The following HOTAIR variants were observed in gnomAD, a reference collection of about 807,000 sequenced individuals.
HOTAIR encodes the protein HOX transcript antisense RNA, also known as HOX transcript antisense RNA (non-protein coding).
intron 5 of HOTAIR, among the ~76,000 whole-genome samples, chr12:53,965,525 A>G (rs1316448025): frequency 6.6e-6 from 1 of 152,254 alleles, no homozygotes; most frequent in Non-Finnish European, 1.5e-5. Context: ...AGGCCAGTTC[A>G]GGGTAGGGAT....
At chr12:53,965,709 G>A (rs1939039468) in intron 5 of HOTAIR, among the ~76,000 whole-genome samples, 2 of 151,838 alleles carry the variant, frequency 1.3e-5, no homozygotes, top group Admixed American at 1.3e-4. Flanking sequence ...ATGAGTGAAA[G>A]AAAGGGGGCA....
At chr12:53,967,210 C>A (rs1899663) in intron 3 of HOTAIR, 42,380 of 152,012 alleles carry the variant, frequency 0.28, 6,235 homozygotes, top group Middle Eastern at 0.34. Flanking sequence ...TTGTTGTCAC[C>A]TCCACCCTCC....
intron 5 of HOTAIR, among the ~76,000 whole-genome samples, chr12:53,965,132 T>C (rs1030484967): frequency 6.6e-6 from 1 of 152,256 alleles, no homozygotes; most frequent in Non-Finnish European, 1.5e-5. Context: ...CTTTAATCTC[T>C]ATAAATCCCT....
exon 7 of HOTAIR, chr12:53,962,790 T>C (rs1448240105): frequency 1.3e-5 from 2 of 152,194 alleles, no homozygotes; most frequent in East Asian, 1.9e-4. Context: ...TTAAGTGTTC[T>C]CCTATGTCTA....
At chr12:53,966,894 T>C (rs1051027652) in intron 3 of HOTAIR, among the ~76,000 whole-genome samples, 7 of 152,186 alleles carry the variant, frequency 4.6e-5, no homozygotes, top group Non-Finnish European at 7.4e-5. Flanking sequence ...GTGGGCAGGC[T>C]CAGCTCGAAG....
At chr12:53,966,828 GC>G (rs11301759) in intron 3 of HOTAIR, among the ~76,000 whole-genome samples, 142,464 of 152,256 alleles carry the variant, frequency 0.94, 67,109 homozygotes, top group Non-Finnish European at 0.99. Context: ...GCCGCAGCCG[GC>G]CCGGCGAGAC....
chr12:53,971,615 TCCCC>T, intron 1 of HOTAIR, among the ~76,000 whole-genome samples: 2 of 152,260 alleles, frequency 1.3e-5, no homozygotes, highest in African/African-American at 4.8e-5. Context: ...TTTTTTGTTT[TCCCC>T]TGAGTGTGCA....
At chr12:53,965,287 C>T (rs1939030575) in intron 5 of HOTAIR, among the ~76,000 whole-genome samples, 1 of 152,230 alleles carries the variant, frequency 6.6e-6, no homozygotes, top group South Asian at 2.1e-4. Context: ...TCTGCTTTCC[C>T]CATGCCCCCC....
Position 53,973,846 on chromosome 12 carries a change from A to G in HOTAIR, n.59+1052T>C, listed in dbSNP as rs1939197423. 1 of 1,453,430 alleles carries G rather than the reference A, an allele frequency of 6.9e-7. No homozygotes were observed. Among genetic ancestry groups the G allele is most frequent in the African/African-American group, 1.4e-5 (1 of 69,006 alleles). The allele number at this position is 1,453,430 out of a possible 1,614,324, so 90.0% of individuals were successfully genotyped here. On this transcript the variant is annotated intron_variant and non_coding_transcript_variant, in intron 1 of 6. Coordinates refer to ENST00000424518, the Ensembl canonical transcript of HOTAIR. The surrounding 1 kb of genome is among the most constrained non-coding windows in gnomAD (Gnocchi z 4.3). ...GAGGCGGGTGCCGAGGCGGAGGCTG[A>G]GGAGGAGAACACAAATCCCAGCTCG...
At chr12:53,971,353 G>A (rs1198264313) in intron 1 of HOTAIR, among the ~76,000 whole-genome samples, 1 of 152,148 alleles carries the variant, frequency 6.6e-6, no homozygotes, top group East Asian at 1.9e-4. Flanking sequence ...CCTGAGAATG[G>A]GACCCATGGT....
chr12:53,971,013 C>T (rs1023396898), intron 1 of HOTAIR, among the ~76,000 whole-genome samples: 5 of 152,172 alleles, frequency 3.3e-5, no homozygotes, highest in African/African-American at 1.2e-4. Flanking sequence ...TGGTTCCTAT[C>T]ACTGTTTGGG....
At chr12:53,974,077 A>G (rs1939203234) in intron 1 of HOTAIR, 1 of 447,064 alleles carries the variant, frequency 2.2e-6, no homozygotes, top group Non-Finnish European at 3.7e-6. Flanking sequence ...AAAGGATTTT[A>G]TTATAACCTA....
rs749585496 is a variant in HOTAIR, at chr12:53,973,661, A to T, written n.59+1237T>A. 2 of 1,613,264 alleles carry T rather than the reference A, an allele frequency of 1.2e-6. No homozygotes were observed. The highest frequency in any genetic ancestry group is 3.3e-5 in the Admixed American group (2 of 59,970). On this transcript the variant is annotated intron_variant and non_coding_transcript_variant, in intron 1 of 6. Coordinates refer to ENST00000424518, the Ensembl canonical transcript of HOTAIR. The surrounding 1 kb of genome is among the most constrained non-coding windows in gnomAD (Gnocchi z 4.3). ...CAACCCCCGCCGGCTTCTACTCCTC[A>T]GTCAACAAGAACAGCGTCCTGCCTC...
intron 3 of HOTAIR, chr12:53,966,658 G>A (rs1385520420): frequency 6.6e-6 from 1 of 152,284 alleles, no homozygotes; most frequent in African/African-American, 2.4e-5. Flanking sequence ...TGGAAGCAAA[G>A]CGCATAAGGG....
At chr12:53,966,679 G>A (rs1228510629) in intron 3 of HOTAIR, 4 of 152,326 alleles carry the variant, frequency 2.6e-5, no homozygotes, top group Non-Finnish European at 5.9e-5. Context: ...CCCAGTGCGG[G>A]GGCAGCGATC....
At chr12:53,972,962 T>C (rs1179163432) in intron 1 of HOTAIR, among the ~76,000 whole-genome samples, 1 of 132,000 alleles carries the variant, frequency 7.6e-6, no homozygotes, top group Non-Finnish European at 1.5e-5. Context: ...AGAAGGGGAG[T>C]GACGAGAGAA....
Position 53,973,571 on chromosome 12 carries a change from C to T in HOTAIR, n.59+1327G>A. On this transcript the variant is annotated intron_variant and non_coding_transcript_variant, in intron 1 of 6. Transcript: ENST00000424518. The surrounding 1 kb of genome is among the most constrained non-coding windows in gnomAD (Gnocchi z 4.3). ...GGGAGTGCCTGCCTCCTTCCACCGT[C>T]ACCGAGATCCTCATGAAAAACGAAG... 7 of 1,613,252 alleles carry T rather than the reference C, an allele frequency of 4.3e-6. No homozygotes were observed. The highest frequency in any genetic ancestry group is 5.9e-6 in the Non-Finnish European group (7 of 1,180,004).
Position 53,973,405 on chromosome 12 carries a change from C to T in HOTAIR, n.59+1493G>A, listed in dbSNP as rs367629889. ...GTCTCCTCCTTCCTGCCCCAGGCCCCCTCTCGTCAGATCTCCTATCCCTAC... is the reference window on the plus strand; with the variant it reads ...GTCTCCTCCTTCCTGCCCCAGGCCCTCTCTCGTCAGATCTCCTATCCCTAC... On this transcript the variant is annotated intron_variant and non_coding_transcript_variant, in intron 1 of 6. Transcript: ENST00000424518. The surrounding 1 kb of genome is among the most constrained non-coding windows in gnomAD (Gnocchi z 4.3). 3.4e-5 allele frequency: 55 copies of T among 1,614,110 alleles called. No homozygotes were observed. Among genetic ancestry groups the T allele is most frequent in the Non-Finnish European group, 4.7e-5 (55 of 1,180,058 alleles).
chr12:53,966,228 C>T (rs1182405313), intron 4 of HOTAIR: 1 of 152,200 alleles, frequency 6.6e-6, no homozygotes, highest in Non-Finnish European at 1.5e-5. Context: ...CCTTCCTCCC[C>T]CTCCCTTCCC....
Sources: gnomAD v4.1 joint callset for allele counts (sites outside exome capture counted in the v4.1 genomes callset) on GRCh38, gnomAD v4.1.1 for gene constraint, Gnocchi (gnomAD v3.1) non-coding constraint, MANE v1.5 for transcripts, NCBI Gene and HGNC (gene_info 2026-07-23, HGNC 2026-07-21) for gene names.